Variants in ASPHD1 observed in about 807,000 individuals in gnomAD.
The protein encoded by ASPHD1 is aspartate beta-hydroxylase domain containing 1, also known as aspartate beta-hydroxylase domain-containing protein 1.
Under a neutral mutation model 28.3 loss-of-function variants are expected in ASPHD1, and 20 were observed. That is an observed-to-expected ratio of 0.71 (90% CI 0.50 to 1.03). ASPHD1 has a LOEUF of 1.03. Among genes scored for constraint, ASPHD1 ranks in the 50% least tolerant of loss-of-function variants. The pLI, the probability that ASPHD1 is intolerant of heterozygous loss-of-function variation, is 0.00. For synonymous variants in ASPHD1, 240 were observed against 221.2 expected, an observed-to-expected ratio of 1.08 and a Z score of -0.75; for missense variants, 479 against 524.1, an observed-to-expected ratio of 0.91 and a Z score of 0.84.
chr16:29,908,437 C>T (rs1056589056), downstream of ASPHD1, among the ~76,000 whole-genome samples: 6 of 151,730 alleles, frequency 4.0e-5, no homozygotes, highest in Admixed American at 1.3e-4. Context: ...CAGGCTGGAG[C>T]GCAATGGCAC....
upstream of ASPHD1, chr16:29,900,459 C>T (rs371781586): frequency 3.1e-3 from 483 of 157,948 alleles, 1 homozygote; most frequent in African/African-American, 0.011. Context: ...GGAGGCACCT[C>T]CAGCGACAAC....
At chr16:29,902,348 G>C (rs538944524) in intron 1 of ASPHD1, among the ~76,000 whole-genome samples, 28 of 152,260 alleles carry the variant, frequency 1.8e-4, no homozygotes, top group African/African-American at 6.0e-4. Flanking sequence ...AGGTTCACTG[G>C]AGCTCAGCAG....
intron 2 of ASPHD1, chr16:29,905,175 A>G (rs1263069541): frequency 2.1e-6 from 1 of 481,128 alleles, no homozygotes; most frequent in African/African-American, 2.0e-5. Context: ...ATGAGATAAT[A>G]TTACGTACAC....
chr16:29,902,054 C>T (rs1264605168), intron 1 of ASPHD1, 134 bp downstream of exon 1: 1 of 653,242 alleles, frequency 1.5e-6, no homozygotes, highest in East Asian at 3.4e-5. Context: ...TTGCCACCCA[C>T]AGCAGCATTT....
At chr16:29,912,103 C>A (rs991944529) in intron 3 of ASPHD1, 1 of 1,249,418 alleles carries the variant, frequency 8.0e-7, no homozygotes, top group Non-Finnish European at 1.1e-6. Flanking sequence ...ACGTACTCCC[C>A]CACTTAAAAG....
In ASPHD1 at chr16:29,901,768, G is replaced by A; in HGVS notation, c.797G>A (p.Arg266His). 1.3e-6 allele frequency: 2 copies of A among 1,552,168 alleles called. No individual in the cohort carries two copies. Among genetic ancestry groups the A allele is most frequent in the Non-Finnish European group, 1.7e-6 (2 of 1,148,974 alleles). Residue 266 changes from arginine (R) to histidine (H), a missense_variant, in exon 1 of 3, where the codon CGC becomes CAC. Physicochemically the swap from Arg to His is conservative, Grantham distance 29. Coordinates refer to ENST00000308748, the MANE Select transcript of ASPHD1 (RefSeq NM_181718.4). This position sits in a 1 kb window ranked among gnomAD's most constrained non-coding sequence, Gnocchi z 5.1. ...QAGRCQPSNCRRCPGAYRALR... is the reference protein window; with the variant it reads ...QAGRCQPSNCHRCPGAYRALR... ...GGCCGGTGCCAACCCAGCAACTGCC[G>A]CCGGTGCCCGGGGGCCTATCGGGCA...
Position 29,901,184 on chromosome 16 carries a change from G to A in ASPHD1, c.213G>A (p.Trp71Ter), listed in dbSNP as rs1183909760. 1 of 1,613,360 alleles carries A rather than the reference G, an allele frequency of 6.2e-7. No homozygotes were observed. Among genetic ancestry groups the A allele is most frequent in the African/African-American group, 1.3e-5 (1 of 74,874 alleles). Residue 71 changes from tryptophan to a stop codon, truncating the protein, a stop_gained, in exon 1 of 3, where the codon TGG becomes TGA. Coordinates refer to ENST00000308748, the MANE Select transcript of ASPHD1 (RefSeq NM_181718.4). LOFTEE classifies it high-confidence loss of function. The surrounding 1 kb of genome is among the most constrained non-coding windows in gnomAD (Gnocchi z 5.1). The stretch of plus-strand genomic sequence containing the variant: ...GGGCCTCCCTGATCATGCTCCCGTG[G>A]CCACTACCCCTGGCCTCCTCGGCCC... ...LARASLIMLPWPLPLASSALT... is the reference protein window; with the variant it reads ...LARASLIMLP
chr16:29,913,180 T>A (rs990898096), intron 3 of ASPHD1: 7 of 148,932 alleles, frequency 4.7e-5, no homozygotes, highest in Non-Finnish European at 7.4e-5. Context: ...CTGAGTGCAG[T>A]GGCATGACCA....
chr16:29,912,042 C>T (rs755072001), intron 3 of ASPHD1: 1 of 1,604,304 alleles, frequency 6.2e-7, no homozygotes, highest in Non-Finnish European at 8.5e-7. Context: ...CAGCGTCTCC[C>T]TTTTTTGCTG....
At chr16:29,906,091 G>A, downstream of ASPHD1, 1 of 482,300 alleles carries the variant, frequency 2.1e-6, no homozygotes, top group Non-Finnish European at 3.7e-6. Flanking sequence ...AGAGGCTGGG[G>A]CAGGGCCTTA....
intron 3 of ASPHD1, chr16:29,912,450 T>A (rs2068731173): frequency 4.2e-6 from 1 of 238,998 alleles, no homozygotes; most frequent in Non-Finnish European, 8.0e-6. Flanking sequence ...AGTTTTCTTT[T>A]TCTTTTTTTG....
chr16:29,905,750 T>C lies in ASPHD1; in HGVS notation c.1064-38T>C, dbSNP rs369687705. 1.3e-4 allele frequency: 200 copies of C among 1,484,232 alleles called. 2 individuals are homozygous for C. Among genetic ancestry groups the C allele is most frequent in the Non-Finnish European group, 1.8e-4 (193 of 1,064,088 alleles). The allele number at this position is 1,484,232 out of a possible 1,614,324, so 91.9% of individuals were successfully genotyped here. On this transcript the variant is annotated intron_variant, in intron 2 of 2. Transcript: ENST00000308748. ...AGTGCTCTGGTGTGCAAGTACCTAA[T>C]GTCAGTGGCTCTGCTGTTCCTGTCC...
At chr16:29,907,979 TAA>T (rs1171441273), downstream of ASPHD1, among the ~76,000 whole-genome samples, 5 of 137,442 alleles carry the variant, frequency 3.6e-5, no homozygotes, top group Admixed American at 1.5e-4. Flanking sequence ...CCTCATCTAT[TAA>T]AAAAAAAAAA....
chr16:29,901,079 G>A lies in ASPHD1; in HGVS notation c.108G>A (p.Gly36=), dbSNP rs1329025386. The A allele has an allele frequency of 1.2e-6, 2 of 1,611,674 alleles. No homozygotes were observed. The highest frequency in any genetic ancestry group is 1.6e-4 in the Middle Eastern group (1 of 6,070). The change falls in exon 1 of 3, where the codon GGG becomes GGA. Residue 36 remains glycine, a synonymous_variant. Transcript: ENST00000308748. This position sits in a 1 kb window ranked among gnomAD's most constrained non-coding sequence, Gnocchi z 5.1. ...WKGNSPAGSQ[G]AAMEGTGGEL... ...GAAACAGTCCAGCGGGGAGCCAGGG[G>A]GCAGCCATGGAAGGGACAGGTGGGG...
At chr16:29,919,465 A>G (rs1045439207) in intron 3 of ASPHD1, 1 of 152,340 alleles carries the variant, frequency 6.6e-6, no homozygotes, top group Admixed American at 6.5e-5. Context: ...TATAACTCTT[A>G]TCATCTCTTC....
chr16:29,914,318 C>T (rs996331398), intron 3 of ASPHD1: 1 of 152,182 alleles, frequency 6.6e-6, no homozygotes, highest in Non-Finnish European at 1.5e-5. Context: ...TCCAGGATCC[C>T]CCATCATCCC....
intron 3 of ASPHD1, among the ~76,000 whole-genome samples, chr16:29,916,082 A>G (rs1325734275): frequency 6.6e-6 from 1 of 152,112 alleles, no homozygotes; most frequent in African/African-American, 2.4e-5. Context: ...TTCCTTAGGT[A>G]TATTTCCTAC....
intron 1 of ASPHD1, among the ~76,000 whole-genome samples, chr16:29,903,225 G>A (rs1007176615): frequency 5.9e-5 from 9 of 151,790 alleles, no homozygotes; most frequent in African/African-American, 1.7e-4. Flanking sequence ...GTGTGGTGTC[G>A]CATGCCTGTA....
At chr16:29,908,729 A>C (rs1347347132), downstream of ASPHD1, among the ~76,000 whole-genome samples, 4 of 148,798 alleles carry the variant, frequency 2.7e-5, no homozygotes, top group East Asian at 7.9e-4. Context: ...CTAAGACAAG[A>C]TCTCACTCTG....
Sources: allele counts gnomAD v4.1 joint callset (sites outside exome capture counted in the v4.1 genomes callset), GRCh38; gene constraint gnomAD v4.1.1; non-coding constraint Gnocchi (gnomAD v3.1); transcripts MANE v1.5; gene names NCBI Gene and HGNC (gene_info 2026-07-23, HGNC 2026-07-21).